The following MYH3 variants were observed in gnomAD, a reference collection of about 807,000 sequenced individuals.
The protein encoded by MYH3 is myosin heavy chain 3.
In MYH3, 130 loss-of-function variants were observed where a neutral mutation model predicts 238.0. The observed-to-expected ratio is 0.55, with a 90% CI of 0.47 to 0.63. The LOEUF (loss-of-function observed/expected upper bound fraction) is 0.63, where lower values mean the gene tolerates loss of function less well. MYH3 is among the 30% of genes least tolerant of loss of function. The pLI is 0.00. For synonymous variants in MYH3, 880 were observed against 924.1 expected (o/e 0.95, Z 0.86); for missense variants, 1,853 against 2,374.9 (o/e 0.78, Z 4.57).
At chr17:10,649,749 G>T in intron 6 of MYH3, 64 bp from the exon 7 acceptor site, 11 of 1,420,382 alleles carry the variant, frequency 7.7e-6, no homozygotes, top group South Asian at 1.1e-5. Context: ...GGCTTTTCAG[G>T]ATGTCATACT....
At position 10,642,447 on chromosome 17, in the gene MYH3, G is replaced by C. The variant is rs771039713; in HGVS notation, c.1858C>G (p.His620Asp). Residue 620 changes from histidine to aspartate, a missense_variant, in exon 16 of 41, where the codon CAC (histidine) becomes GAC (aspartate). This residue lies in a region of MYH3 where 678 missense variants were observed against 1,058.9 expected (regional missense o/e 0.64). Coordinates refer to ENST00000583535, the MANE Select transcript of MYH3 (RefSeq NM_002470.4). This position sits in a 1 kb window ranked among gnomAD's most constrained non-coding sequence, Gnocchi z 5.4. ...YQKSSNRLLA[H>D]LYATFATADA... ...GCCGTGGCAAACGTGGCATAGAGGT[G>C]TGCCAGGAGCCTGTTGGAAGACTTC... 5.6e-6 allele frequency: 9 copies of C among 1,614,210 alleles called. No individual in the cohort carries two copies. Among genetic ancestry groups the C allele is most frequent in the Non-Finnish European group, 7.6e-6 (9 of 1,180,036 alleles).
In MYH3 at chr17:10,639,280, T is replaced by C. The variant is rs958939032; in HGVS notation, c.3102+18A>G. The C allele has an allele frequency of 1.9e-6, 3 of 1,614,150 alleles. No homozygotes were observed. The highest frequency in any genetic ancestry group is 1.3e-5 in the African/African-American group (1 of 75,068). ...AACCCTGGAGTTCTGGGACTCCCGA[T>C]GAGCATTATTTACTTACGTCTTCCA... is the stretch of plus-strand genomic sequence containing the variant. On this transcript the variant is annotated intron_variant, in intron 24 of 40. Transcript: ENST00000583535.
chr17:10,635,596 A>G, intron 29 of MYH3, 33 bp from the exon 30 acceptor site: 1 of 1,614,242 alleles, frequency 6.2e-7, no homozygotes, highest in Non-Finnish European at 8.5e-7. Flanking sequence ...AGCACCTGAT[A>G]TATTTAGTGC....
Position 10,640,126 on chromosome 17 carries a change from G to A in MYH3, c.2552C>T (p.Ala851Val). 6.2e-7 allele frequency: 1 copy of A among 1,614,100 alleles called. No homozygotes were observed. The highest frequency in any genetic ancestry group is 1.1e-5 in the South Asian group (1 of 91,080). Reference sequence around the variant, plus strand: ...TTTCTGGAATTCTTCCTTCATGGTGGCCATCTCTTTCTCAGTCTCTGCACT... The same window carrying A: ...TTTCTGGAATTCTTCCTTCATGGTGACCATCTCTTTCTCAGTCTCTGCACT... Reference protein sequence around the residue: ...LKSAETEKEMATMKEEFQKTK... With the variant: ...LKSAETEKEMVTMKEEFQKTK... The change falls in exon 22 of 41, where the codon GCC becomes GTC. Residue 851 changes from alanine to valine, a missense_variant. Coordinates refer to ENST00000583535, the MANE Select transcript of MYH3 (RefSeq NM_002470.4).
At chr17:10,662,866 C>T in the MYH3 span, among the ~76,000 whole-genome samples, 2 of 152,136 alleles carry the variant, frequency 1.3e-5, no homozygotes, top group African/African-American at 2.4e-5. Context: ...GTGGGTGGAT[C>T]ACCTGAGGTA....
chr17:10,657,592 T>C (rs2142437219), upstream of MYH3, among the ~76,000 whole-genome samples: 1 of 152,138 alleles, frequency 6.6e-6, no homozygotes, highest in South Asian at 2.1e-4. Flanking sequence ...CCAGGAGGAG[T>C]TGCGGGGGCA....
At position 10,640,702 on chromosome 17, in the gene MYH3, G is replaced by A. The variant is rs781067845; in HGVS notation, c.2166-16C>T. The A allele has an allele frequency of 2.7e-5, 44 of 1,612,956 alleles. No homozygotes were observed. Among genetic ancestry groups the A allele is most frequent in the Non-Finnish European group, 3.7e-5 (44 of 1,179,458 alleles). Reference sequence around the variant, plus strand: ...CACTCGGTATCTGCATTGTAGACATGGAAATCATCACAGACTGTTGGCAAA... The same window carrying A: ...CACTCGGTATCTGCATTGTAGACATAGAAATCATCACAGACTGTTGGCAAA... On this transcript the variant is annotated splice_polypyrimidine_tract_variant and intron_variant, in intron 19 of 40. Coordinates refer to ENST00000583535, the MANE Select transcript of MYH3 (RefSeq NM_002470.4).
rs749426283 is a variant in MYH3 at position 10,641,140 on chromosome 17, G to A, written c.2110C>T (p.Arg704Cys). ...LRCNGVLEGI[R>C]ICRKGFPNRI... ...TTTGGGAACCCTTTCCTGCAGATGCGGATGCCCTCCAGGACACCGTTACAC... is the reference window on the plus strand; with the variant it reads ...TTTGGGAACCCTTTCCTGCAGATGCAGATGCCCTCCAGGACACCGTTACAC... The change falls in exon 19 of 41, where the codon CGC (arginine) becomes TGC (cysteine). Residue 704 changes from arginine to cysteine, a missense_variant. Arg to Cys is a radical substitution (Grantham distance 180). Around this residue, in one of 3 missense-constraint regions of MYH3, gnomAD observed 678 missense variants for 1,058.9 expected, o/e 0.64. Transcript: ENST00000583535. The A allele has an allele frequency of 9.3e-6, 15 of 1,613,838 alleles. No individual in the cohort carries two copies. Among genetic ancestry groups the A allele is most frequent in the South Asian group, 4.4e-5 (4 of 91,060 alleles).
intron 19 of MYH3, 132 bp from the exon 20 acceptor site, chr17:10,640,818 C>T: frequency 8.6e-7 from 1 of 1,166,424 alleles, no homozygotes; most frequent in Non-Finnish European, 1.2e-6. Flanking sequence ...AGCTCGGAGT[C>T]ACATTGCTAG....
chr17:10,662,657 G>A, the MYH3 span, among the ~76,000 whole-genome samples: 2 of 152,110 alleles, frequency 1.3e-5, no homozygotes, highest in Non-Finnish European at 2.9e-5. Flanking sequence ...TCCAACAATG[G>A]TATAGCTGGG....
rs2285470 is a variant in MYH3 at position 10,639,901 on chromosome 17, A to G, written c.2682+95T>C. 0.68 allele frequency: 1,074,766 copies of G among 1,588,184 alleles called. 375,327 individuals carry two copies. Among genetic ancestry groups the G allele is most frequent in the Non-Finnish European group, 0.73 (853,469 of 1,169,332 alleles). On this transcript the variant is annotated intron_variant, in intron 22 of 40. Coordinates refer to ENST00000583535, the MANE Select transcript of MYH3 (RefSeq NM_002470.4). ...AAGTTCTTTATGAAGCATTTCAACT[A>G]AAAAGCAAAAATCCCCACCAATAAC...
chr17:10,648,661 A>T lies in MYH3; in HGVS notation c.643-12T>A. On this transcript the variant is annotated splice_polypyrimidine_tract_variant and intron_variant, in intron 7 of 40. Transcript: ENST00000583535. The stretch of plus-strand genomic sequence containing the variant: ...TCTTCCAGAGTCCCCTAATGCAAGA[A>T]ATTGAGGGAAGAAGAGGAAACATTT... 1 of 1,602,308 alleles carries T rather than the reference A, an allele frequency of 6.2e-7. No homozygotes were observed. The highest frequency in any genetic ancestry group is 2.2e-5 in the East Asian group (1 of 44,718).
chr17:10,643,007 A>T lies in MYH3; in HGVS notation c.1411-11T>A. 1 of 1,614,210 alleles carries T rather than the reference A, an allele frequency of 6.2e-7. No homozygotes were observed. The highest frequency in any genetic ancestry group is 8.5e-7 in the Non-Finnish European group (1 of 1,180,008). ...CTCCAGGCTGTTATACTAATAAAAA[A>T]ATACAACATTCATGTGAAAAGTTAG... On this transcript the variant is annotated splice_polypyrimidine_tract_variant and intron_variant, in intron 14 of 40. Coordinates refer to ENST00000583535, the MANE Select transcript of MYH3 (RefSeq NM_002470.4).
At chr17:10,670,488 G>A in the MYH3 span, among the ~76,000 whole-genome samples, 1 of 152,096 alleles carries the variant, frequency 6.6e-6, no homozygotes, top group Middle Eastern at 3.2e-3. This position sits in a 1 kb window ranked among gnomAD's most constrained non-coding sequence, Gnocchi z 7.0. Flanking sequence ...TTGTTTGCTT[G>A]TTTGAGATGG....
intron 33 of MYH3, among the ~76,000 whole-genome samples, chr17:10,633,181 CAA>C: frequency 6.6e-6 from 1 of 152,136 alleles, no homozygotes; most frequent in South Asian, 2.1e-4. Flanking sequence ...GCATGGGCAA[CAA>C]GAGCAAAACT....
chr17:10,642,831 C>A lies in MYH3; in HGVS notation c.1576G>T (p.Glu526Ter). 6.2e-7 allele frequency: 1 copy of A among 1,614,078 alleles called. No homozygotes were observed. Among genetic ancestry groups the A allele is most frequent in the Non-Finnish European group, 8.5e-7 (1 of 1,180,014 alleles). ...GTGGGGATGGAACTGGATACCTTCT[C>A]GATGAGCTCGATGCAGGCAGCCAGG... ...MDLAACIELIEKPMGIFSILE... is the reference protein window; with the variant it reads ...MDLAACIELI Residue 526 changes from glutamate (E) to a stop codon, truncating the protein, a stop_gained, in exon 15 of 41, where the codon GAG becomes TAG. Transcript: ENST00000583535. LOFTEE classifies it high-confidence loss of function. The surrounding 1 kb of genome is among the most constrained non-coding windows in gnomAD (Gnocchi z 5.4).
At chr17:10,675,082 G>C in the MYH3 span, 1 of 152,146 alleles carries the variant, frequency 6.6e-6, no homozygotes, top group African/African-American at 2.4e-5. Context: ...AAACTTCTTT[G>C]CCTCTCAAAG....
intron 32 of MYH3, 50 bp downstream of exon 32, chr17:10,633,967 A>G (rs1567552923): frequency 1.3e-6 from 2 of 1,593,658 alleles, no homozygotes; most frequent in Non-Finnish European, 1.7e-6. Context: ...CATGCTCTCG[A>G]GCAATAGAGC....
chr17:10,629,648 T>C lies in MYH3; in HGVS notation c.5745A>G (p.Glu1915=), dbSNP rs1258573552. The change falls in exon 40 of 41, where the codon GAA becomes GAG. Residue 1915 remains glutamate (E), a synonymous_variant. Transcript: ENST00000583535. ...TAGCGCGGAGCTTGTTGACTTGAGATTCTGCGATATCCGCACGTTCCTCGG... is the reference window on the plus strand; with the variant it reads ...TAGCGCGGAGCTTGTTGACTTGAGACTCTGCGATATCCGCACGTTCCTCGG... ...EEAEERADIA[E]SQVNKLRAKT... 1.4e-5 allele frequency: 23 copies of C among 1,614,076 alleles called. No homozygotes were observed. The highest frequency in any genetic ancestry group is 1.9e-5 in the Non-Finnish European group (22 of 1,180,062).
Sources: gnomAD v4.1 joint callset for allele counts (sites outside exome capture counted in the v4.1 genomes callset) on GRCh38, gnomAD v4.1.1 for gene constraint, gnomAD v4.1.1 regional missense constraint, Gnocchi (gnomAD v3.1) non-coding constraint, MANE v1.5 for transcripts, NCBI Gene and HGNC (gene_info 2026-07-23, HGNC 2026-07-21) for gene names.